Variants in PBX3 observed in about 807,000 individuals in gnomAD.
The protein encoded by PBX3 is PBX homeobox 3, also known as pre-B-cell leukemia transcription factor 3.
In PBX3, 14 loss-of-function variants were observed where a neutral mutation model predicts 48.5. That is an observed-to-expected ratio of 0.29 (90% CI 0.19 to 0.45). PBX3 has a LOEUF of 0.45. Among genes scored for constraint, PBX3 ranks in the 20% least tolerant of loss-of-function variants. The pLI, the probability that PBX3 is intolerant of heterozygous loss-of-function variation, is 1.00. For synonymous variants in PBX3, 210 were observed against 200.3 expected (o/e 1.05, Z -0.41); for missense variants, 386 against 546.7 (o/e 0.71, Z 2.93).
At chr9:125,805,916 A>G (rs1022375551) in intron 2 of PBX3, among the ~76,000 whole-genome samples, 6 of 152,184 alleles carry the variant, frequency 3.9e-5, no homozygotes, top group Non-Finnish European at 8.8e-5. Context: ...AAACAGATAA[A>G]ATTTCTTATC....
chr9:125,781,832 G>C (rs1225596752), intron 2 of PBX3, among the ~76,000 whole-genome samples: 1 of 151,354 alleles, frequency 6.6e-6, no homozygotes, highest in Non-Finnish European at 1.5e-5. Context: ...AGGCATTTAT[G>C]GCTATAAATT....
intron 2 of PBX3, among the ~76,000 whole-genome samples, chr9:125,842,468 G>A (rs1050918659): frequency 3.9e-5 from 6 of 152,128 alleles, no homozygotes; most frequent in Admixed American, 1.3e-4. Flanking sequence ...CACACCCAGT[G>A]TTTTCATTTT....
chr9:125,898,047 A>C (rs1260786668), intron 2 of PBX3, among the ~76,000 whole-genome samples: 1 of 151,898 alleles, frequency 6.6e-6, no homozygotes, highest in African/African-American at 2.4e-5. Flanking sequence ...TTGAGCCTCA[A>C]GTCAACAGTA....
chr9:125,833,177 A>G (rs1392484939), intron 2 of PBX3, among the ~76,000 whole-genome samples: 1 of 152,070 alleles, frequency 6.6e-6, no homozygotes, highest in Non-Finnish European at 1.5e-5. Context: ...GCAATATGCT[A>G]AGAATGTACT....
intron 3 of PBX3, among the ~76,000 whole-genome samples, chr9:125,929,232 C>T (rs996250055): frequency 3.9e-5 from 6 of 152,254 alleles, no homozygotes; most frequent in Admixed American, 2.0e-4. Context: ...TTTCTGTGTT[C>T]CTTATAGCAC....
At chr9:125,919,012 T>C (rs1841395820) in intron 3 of PBX3, among the ~76,000 whole-genome samples, 1 of 152,188 alleles carries the variant, frequency 6.6e-6, no homozygotes, top group South Asian at 2.1e-4. Flanking sequence ...AGAGGGTAAG[T>C]GATTTGTCCA....
At chr9:125,904,589 G>C (rs961238739) in intron 2 of PBX3, among the ~76,000 whole-genome samples, 1 of 151,862 alleles carries the variant, frequency 6.6e-6, no homozygotes, top group African/African-American at 2.4e-5. Flanking sequence ...CAGTGAGGTT[G>C]CCGTTTTATT....
rs1588237292 is a variant in PBX3, at chr9:125,866,741, A to C, written c.275-48945A>C. ...CAGATGTTATTTGTAACTTTGTTTT[A>C]AAATAGCATAATATTTCTGCTTAAA... On this transcript the variant is annotated intron_variant, in intron 2 of 8. Transcript: ENST00000373489. 3.3e-5 allele frequency among the ~76,000 whole-genome samples: 5 copies of C among 152,342 alleles called. 1 individual carries two copies. The highest frequency in any genetic ancestry group is 3.3e-4 in the Admixed American group (5 of 15,310).
chr9:125,785,488 C>T lies in PBX3; in HGVS notation c.274+36865C>T, dbSNP rs375660043. 9.8e-5 allele frequency among the ~76,000 whole-genome samples: 15 copies of T among 152,308 alleles called. No individual in the cohort carries two copies. In the South Asian group the frequency reaches 2.9e-3, roughly 29 times the overall value. On this transcript the variant is annotated intron_variant, in intron 2 of 8. Coordinates refer to ENST00000373489, the MANE Select transcript of PBX3 (RefSeq NM_006195.6). Reference sequence around the variant, plus strand: ...GTTCTTCGGCCTTTGGACTCTTGGACTTACATCAGTGGTTTCCCAGGGGCT... The same window carrying T: ...GTTCTTCGGCCTTTGGACTCTTGGATTTACATCAGTGGTTTCCCAGGGGCT...
intron 2 of PBX3, among the ~76,000 whole-genome samples, chr9:125,793,358 A>T (rs989402116): frequency 1.2e-5 from 1 of 83,648 alleles, no homozygotes; most frequent in Non-Finnish European, 2.1e-5. Flanking sequence ...TTTGGGGGGG[A>T]AAAAAAAAAT....
intron 2 of PBX3, among the ~76,000 whole-genome samples, chr9:125,810,470 A>G (rs1838257606): frequency 6.6e-6 from 1 of 151,554 alleles, no homozygotes; most frequent in Non-Finnish European, 1.5e-5. Context: ...GTTCCCTATA[A>G]GGTCTGTCTT....
intron 2 of PBX3, among the ~76,000 whole-genome samples, chr9:125,893,966 TA>T (rs959359625): frequency 4.0e-4 from 59 of 145,746 alleles, no homozygotes; most frequent in Non-Finnish European, 4.7e-4. Flanking sequence ...CTCCTCAGAT[TA>T]AAAAAAAAAA....
At chr9:125,943,248 C>T (rs1231487942) in intron 5 of PBX3, among the ~76,000 whole-genome samples, 3 of 150,338 alleles carry the variant, frequency 2.0e-5, no homozygotes, top group East Asian at 2.0e-4. Context: ...CCCAGCTACT[C>T]GGGAGGCTGA....
intron 2 of PBX3, among the ~76,000 whole-genome samples, chr9:125,780,069 C>A (rs1157619257): frequency 2.2e-5 from 3 of 139,240 alleles, no homozygotes; most frequent in Non-Finnish European, 3.2e-5. Context: ...GGGGGCTGAC[C>A]CCCCCACCTC....
chr9:125,936,868 A>G (rs940955377), intron 5 of PBX3, among the ~76,000 whole-genome samples: 2 of 152,350 alleles, frequency 1.3e-5, no homozygotes, highest in Non-Finnish European at 2.9e-5. Context: ...ACTCACTTCC[A>G]TATGAAATAT....
chr9:125,757,582 A>G (rs1836553820), intron 2 of PBX3, among the ~76,000 whole-genome samples: 1 of 152,140 alleles, frequency 6.6e-6, no homozygotes, highest in Non-Finnish European at 1.5e-5. Context: ...TTTCTTTTAC[A>G]CTGGATCTTG....
chr9:125,815,344 G>A (rs1192592460), intron 2 of PBX3, among the ~76,000 whole-genome samples: 2 of 152,026 alleles, frequency 1.3e-5, no homozygotes, highest in Admixed American at 1.3e-4. Flanking sequence ...TTTCTTGCTA[G>A]TTACCCACCA....
chr9:125,795,591 T>A (rs1436054792), intron 2 of PBX3, among the ~76,000 whole-genome samples: 1 of 152,146 alleles, frequency 6.6e-6, no homozygotes, highest in Non-Finnish European at 1.5e-5. Flanking sequence ...CAATGATGCC[T>A]TATTGCATCT....
chr9:125,891,916 T>C (rs1157175170), intron 2 of PBX3, among the ~76,000 whole-genome samples: 1 of 152,152 alleles, frequency 6.6e-6, no homozygotes, highest in Non-Finnish European at 1.5e-5. Context: ...ATCAGCATTT[T>C]ATTTTATTTT....
Sources: allele counts gnomAD v4.1 joint callset (sites outside exome capture counted in the v4.1 genomes callset), GRCh38; gene constraint gnomAD v4.1.1; transcripts MANE v1.5; gene names NCBI Gene and HGNC (gene_info 2026-07-23, HGNC 2026-07-21).